Variants in MGRN1 observed in about 807,000 individuals in gnomAD.
MGRN1 encodes mahogunin ring finger 1.
A neutral mutation model predicts 69.2 loss-of-function variants in MGRN1; 29 were observed. The observed-to-expected ratio is 0.42, with a 90% CI of 0.31 to 0.57. MGRN1 has a LOEUF of 0.57. Among genes scored for constraint, MGRN1 ranks in the 20% least tolerant of loss-of-function variants. The pLI, the probability that MGRN1 is intolerant of heterozygous loss-of-function variation, is 0.15. For missense variants in MGRN1, 998 were observed against 796.2 expected, an observed-to-expected ratio of 1.25 and a Z score of -3.05; for synonymous variants, 470 against 344.2, an observed-to-expected ratio of 1.37 and a Z score of -4.04.
chr16:4,662,536 A>G (rs2078706684), intron 5 of MGRN1, among the ~76,000 whole-genome samples: 1 of 152,130 alleles, frequency 6.6e-6, no homozygotes, highest in Admixed American at 6.5e-5. Context: ...AAAAATCATA[A>G]TAGTAATACT....
chr16:4,660,936 G>T (rs369734676), intron 5 of MGRN1, among the ~76,000 whole-genome samples: 49 of 152,318 alleles, frequency 3.2e-4, no homozygotes, highest in Admixed American at 1.0e-3. Flanking sequence ...GGCCTAGCTG[G>T]GTCCCAGTGG....
rs747007916 is a variant in MGRN1, at chr16:4,681,595, G to A, written c.1177G>A (p.Glu393Lys). 6.2e-6 allele frequency: 10 copies of A among 1,613,414 alleles called. No homozygotes were observed. The Admixed American group carries it at 8.3e-5, about 13-fold the overall frequency. Residue 393 changes from glutamate (E) to lysine (K), a missense_variant, in exon 13 of 17, where the codon GAG becomes AAG. Transcript: ENST00000262370. Reference sequence around the variant, plus strand: ...TGGCTACGAGCCCATCTCGCTGCTCGAGGCGCTCAACGGCCTCCGGGCTGT... The same window carrying A: ...TGGCTACGAGCCCATCTCGCTGCTCAAGGCGCTCAACGGCCTCCGGGCTGT... ...PPGYEPISLL[E>K]ALNGLRAVSP... is the part of the protein sequence containing the mutation.
chr16:4,635,248 C>A (rs1001444822), intron 1 of MGRN1, among the ~76,000 whole-genome samples: 9 of 151,598 alleles, frequency 5.9e-5, no homozygotes, highest in Non-Finnish European at 1.3e-4. Flanking sequence ...CCTATCTCTA[C>A]TAAAAATCCA....
chr16:4,681,691 C>G lies in MGRN1; in HGVS notation c.1273C>G (p.Gln425Glu), dbSNP rs752737830. 6.2e-7 allele frequency: 1 copy of G among 1,613,466 alleles called. No homozygotes were observed. Among genetic ancestry groups the G allele is most frequent in the East Asian group, 2.2e-5 (1 of 44,882 alleles). Residue 425 changes from glutamine to glutamate, a missense_variant, in exon 13 of 17, where the codon CAG becomes GAG. Coordinates refer to ENST00000262370, the MANE Select transcript of MGRN1 (RefSeq NM_015246.4). ...TYSGISDGLS[Q>E]ASCPLAAIDH... ...TTCAGGCATCTCGGACGGCCTGTCC[C>G]AGGCCAGCTGTCCCCTCGCGGCTAT...
chr16:4,637,744 G>C (rs1242905632), intron 1 of MGRN1, among the ~76,000 whole-genome samples: 1 of 152,238 alleles, frequency 6.6e-6, no homozygotes, highest in Non-Finnish European at 1.5e-5. Context: ...CACCCACCAG[G>C]CTGGTCAAGG....
chr16:4,666,705 C>T (rs1190783718), intron 7 of MGRN1, among the ~76,000 whole-genome samples: 4 of 152,244 alleles, frequency 2.6e-5, no homozygotes, highest in African/African-American at 9.6e-5. Flanking sequence ...CCTTCCGCCA[C>T]CTGCCTGCGG....
Position 4,683,866 on chromosome 16 carries a change from A to G in MGRN1, c.1552A>G (p.Asn518Asp), listed in dbSNP as rs749170599. 1 of 1,610,456 alleles carries G rather than the reference A, an allele frequency of 6.2e-7. No individual in the cohort carries two copies. Among genetic ancestry groups the G allele is most frequent in the Non-Finnish European group, 8.5e-7 (1 of 1,178,300 alleles). Reference protein sequence around the residue: ...QQGTRAASIENVLQDSSPEHC... With the variant: ...QQGTRAASIEDVLQDSSPEHC... ...AGGGACCCGAGCAGCTTCCATTGAG[A>G]ATGTCCTGCAGGACAGCAGCCCCGA... is the stretch of plus-strand genomic sequence containing the variant. Residue 518 changes from asparagine to aspartate, a missense_variant, in exon 16 of 17, where the codon AAT becomes GAT. By Grantham distance (23) the Asn-to-Asp change is conservative (BLOSUM62 1). Transcript: ENST00000262370.
In MGRN1 at chr16:4,672,547, C is replaced by T. The variant is rs772352100; in HGVS notation, c.796-951C>T. 5.3e-5 allele frequency: 23 copies of T among 436,750 alleles called. No individual in the cohort carries two copies. The East Asian group carries it at 1.3e-3, about 24-fold the overall frequency. 27.1% of individuals were successfully genotyped at this position (436,750 alleles called of 1,614,324 possible). ...TGCATTCATGTTTCATACCAGGGGG[C>T]GGCCCACTTTGAGAAAAGGTTCAGA... On this transcript the variant is annotated intron_variant, in intron 9 of 16. Coordinates refer to ENST00000262370, the MANE Select transcript of MGRN1 (RefSeq NM_015246.4).
intron 4 of MGRN1, among the ~76,000 whole-genome samples, chr16:4,655,178 G>A (rs1023393157): frequency 6.6e-6 from 1 of 152,172 alleles, no homozygotes; most frequent in African/African-American, 2.4e-5. Flanking sequence ...GTGTCCAGGG[G>A]CTGCCACAGA....
intron 10 of MGRN1, among the ~76,000 whole-genome samples, chr16:4,676,472 C>G (rs1325256988): frequency 6.6e-6 from 1 of 152,114 alleles, no homozygotes; most frequent in Non-Finnish European, 1.5e-5. Context: ...GTCAGTGGGT[C>G]GGGGCCATCA....
chr16:4,686,557 CTCT>C, intron 16 of MGRN1: 1 of 1,336,360 alleles, frequency 7.5e-7, no homozygotes, highest in Non-Finnish European at 9.6e-7. Flanking sequence ...GCCGGTCAGG[CTCT>C]TCTTCCAGCC....
intron 4 of MGRN1, among the ~76,000 whole-genome samples, chr16:4,655,772 C>G (rs2078523470): frequency 6.6e-6 from 1 of 152,254 alleles, no homozygotes; most frequent in Non-Finnish European, 1.5e-5. Flanking sequence ...CACCATCCAG[C>G]CTGCCAGTGC....
At chr16:4,648,918 C>T (rs570993029) in intron 1 of MGRN1, among the ~76,000 whole-genome samples, 5 of 151,892 alleles carry the variant, frequency 3.3e-5, no homozygotes, top group South Asian at 2.1e-4. Context: ...CTCGGGGACT[C>T]TTCCCGTGGT....
chr16:4,659,754 A>G (rs1289538895), intron 5 of MGRN1, among the ~76,000 whole-genome samples: 2 of 152,232 alleles, frequency 1.3e-5, no homozygotes, highest in African/African-American at 2.4e-5. Flanking sequence ...AGTGACAGAA[A>G]AACATTTGGT....
chr16:4,630,709 T>G (rs940437861), intron 1 of MGRN1, among the ~76,000 whole-genome samples: 10 of 152,164 alleles, frequency 6.6e-5, no homozygotes, highest in Admixed American at 6.5e-4. Context: ...CCTCCCAGAT[T>G]GCTGGGATTA....
At chr16:4,683,715 G>T (rs1277969646) in intron 15 of MGRN1, 128 bp from the exon 16 acceptor site, 6 of 719,030 alleles carry the variant, frequency 8.3e-6, no homozygotes, top group Non-Finnish European at 1.4e-5. Flanking sequence ...AGTCCTGCTG[G>T]AGCACAAGCC....
chr16:4,665,172 A>T, intron 7 of MGRN1, 21 bp downstream of exon 7: 1 of 1,613,856 alleles, frequency 6.2e-7, no homozygotes, highest in Non-Finnish European at 8.5e-7. Flanking sequence ...TCTGGCCATC[A>T]CTTTCCCGGG....
intron 16 of MGRN1, among the ~76,000 whole-genome samples, chr16:4,685,354 A>G (rs1346713377): frequency 1.3e-5 from 2 of 152,188 alleles, no homozygotes; most frequent in East Asian, 3.8e-4. Flanking sequence ...TGGGACAGCT[A>G]CAGAGGAGGC....
At chr16:4,630,013 G>A (rs1189547700) in intron 1 of MGRN1, among the ~76,000 whole-genome samples, 1 of 143,186 alleles carries the variant, frequency 7.0e-6, no homozygotes, top group African/African-American at 2.6e-5. Context: ...TCATGCCACT[G>A]CACTGCAGCC....
Sources: allele counts gnomAD v4.1 joint callset (sites outside exome capture counted in the v4.1 genomes callset), GRCh38; gene constraint gnomAD v4.1.1; transcripts MANE v1.5; gene names NCBI Gene and HGNC (gene_info 2026-07-23, HGNC 2026-07-21).